Variants in SHTN1 observed in about 807,000 individuals in gnomAD.
The protein encoded by SHTN1 is shootin-1.
SHTN1 carries 42 observed loss-of-function variants against 83.1 expected under a neutral mutation model. That is an observed-to-expected ratio of 0.51 (90% confidence interval 0.39 to 0.65). SHTN1 has a LOEUF of 0.65. SHTN1 is among the 30% of genes least tolerant of loss of function. The pLI is 0.00. For missense variants in SHTN1, 622 were observed against 737.8 expected, an observed-to-expected ratio of 0.84 and a Z score of 1.82; for synonymous variants, 224 against 247.7, an observed-to-expected ratio of 0.90 and a Z score of 0.90.
intron 1 of SHTN1, among the ~76,000 whole-genome samples, chr10:116,999,362 A>G (rs1851742989): frequency 6.6e-6 from 1 of 152,228 alleles, no homozygotes; most frequent in African/African-American, 2.4e-5. Context: ...TAACTTTGGG[A>G]AATGGGAATG....
intron 11 of SHTN1, among the ~76,000 whole-genome samples, chr10:116,924,088 G>A (rs1336487778): frequency 1.3e-5 from 2 of 152,082 alleles, no homozygotes; most frequent in Non-Finnish European, 2.9e-5. Context: ...ATGGCCAAAT[G>A]GAATTAAATT....
At chr10:116,972,076 C>T (rs753934653) in intron 2 of SHTN1, among the ~76,000 whole-genome samples, 4 of 152,178 alleles carry the variant, frequency 2.6e-5, no homozygotes, top group African/African-American at 4.8e-5. Context: ...GTCAGGTCCA[C>T]GCTCTCTGCT....
chr10:117,041,055 G>A (rs987654558), intron 2 of SHTN1, among the ~76,000 whole-genome samples: 1 of 151,946 alleles, frequency 6.6e-6, no homozygotes, highest in Non-Finnish European at 1.5e-5. Flanking sequence ...CTAGTAACTC[G>A]TCATTTAACA....
intron 1 of SHTN1, among the ~76,000 whole-genome samples, chr10:116,981,918 G>A (rs1851034844): frequency 6.6e-6 from 1 of 152,086 alleles, no homozygotes; most frequent in African/African-American, 2.4e-5. Flanking sequence ...GATTAGCTGG[G>A]CGTGGTAGCG....
chr10:117,093,480 A>C (rs1853462731), intron 1 of SHTN1, among the ~76,000 whole-genome samples: 2 of 152,176 alleles, frequency 1.3e-5, no homozygotes, highest in Admixed American at 6.5e-5. Context: ...ATGCCACTGC[A>C]CTCCAGCTGG....
At chr10:116,992,172 C>CA (rs1307237715) in intron 1 of SHTN1, among the ~76,000 whole-genome samples, 5 of 151,850 alleles carry the variant, frequency 3.3e-5, no homozygotes, top group East Asian at 3.9e-4. Flanking sequence ...CGAAACAAAA[C>CA]AAAAAAACAA....
chr10:117,065,483 C>T (rs993069738), intron 1 of SHTN1, among the ~76,000 whole-genome samples: 4 of 150,656 alleles, frequency 2.7e-5, no homozygotes, highest in Admixed American at 6.6e-5. Flanking sequence ...TTTGGGAGGC[C>T]GAGGCAAGTG....
At chr10:116,924,422 C>T (rs1021899558) in intron 11 of SHTN1, among the ~76,000 whole-genome samples, 7 of 151,240 alleles carry the variant, frequency 4.6e-5, no homozygotes, top group African/African-American at 1.2e-4. Context: ...TATTTACACA[C>T]GGGAAGAAGA....
intron 14 of SHTN1, among the ~76,000 whole-genome samples, chr10:116,909,751 G>A (rs1312851669): frequency 6.6e-6 from 1 of 152,096 alleles, no homozygotes; most frequent in Non-Finnish European, 1.5e-5. Flanking sequence ...TCTACCTGGG[G>A]GCTAACTTAG....
At chr10:117,031,303 A>C (rs967211784) in intron 2 of SHTN1, among the ~76,000 whole-genome samples, 5 of 152,196 alleles carry the variant, frequency 3.3e-5, no homozygotes, top group South Asian at 2.1e-4. Flanking sequence ...CAGACAAACA[A>C]AAGCTGAGGG....
intron 1 of SHTN1, among the ~76,000 whole-genome samples, chr10:116,983,663 GATAGAT>G (rs1246063058): frequency 2.3e-5 from 2 of 85,620 alleles, no homozygotes; most frequent in Non-Finnish European, 5.0e-5. Flanking sequence ...TAGATAGATA[GATAGAT>G]AGATAGATAG....
chr10:116,959,663 TG>T (rs1251873378), intron 4 of SHTN1, among the ~76,000 whole-genome samples: 1 of 152,216 alleles, frequency 6.6e-6, no homozygotes, highest in African/African-American at 2.4e-5. Context: ...AGTGGAACAC[TG>T]GAGGTCACCT....
intron 1 of SHTN1, among the ~76,000 whole-genome samples, chr10:117,090,388 C>T (rs557135853): frequency 6.6e-6 from 1 of 152,166 alleles, no homozygotes; most frequent in South Asian, 2.1e-4. Context: ...AGAATTTGGT[C>T]GTCAGGGGCC....
intron 9 of SHTN1, among the ~76,000 whole-genome samples, chr10:116,931,450 C>T (rs1489802730): frequency 2.6e-5 from 4 of 152,052 alleles, no homozygotes; most frequent in African/African-American, 9.7e-5. Flanking sequence ...GGTTTCACCA[C>T]ATTGGCCAGG....
intron 1 of SHTN1, among the ~76,000 whole-genome samples, chr10:116,992,843 A>G (rs1297084871): frequency 6.6e-6 from 1 of 152,216 alleles, no homozygotes; most frequent in East Asian, 1.9e-4. Flanking sequence ...TCAGATTACA[A>G]TGCATTTTTG....
intron 1 of SHTN1, among the ~76,000 whole-genome samples, chr10:117,002,509 A>T (rs1328549968): frequency 1.3e-5 from 2 of 152,238 alleles, no homozygotes; most frequent in African/African-American, 4.8e-5. Context: ...TAACATTGTG[A>T]GTAAAAAGGT....
At chr10:117,065,443 T>C (rs2133598294) in intron 1 of SHTN1, among the ~76,000 whole-genome samples, 1 of 151,868 alleles carries the variant, frequency 6.6e-6, no homozygotes, top group Non-Finnish European at 1.5e-5. Flanking sequence ...TCCCAGCATT[T>C]TGAGAGGCCG....
At chr10:116,933,966 CTTTT>C in intron 9 of SHTN1, among the ~76,000 whole-genome samples, 1 of 152,062 alleles carries the variant, frequency 6.6e-6, no homozygotes, top group Middle Eastern at 3.4e-3. Flanking sequence ...TAAATGTCTT[CTTTT>C]GAGAAGTGTC....
At chr10:116,922,444 A>G (rs994486178) in intron 11 of SHTN1, among the ~76,000 whole-genome samples, 2 of 152,048 alleles carry the variant, frequency 1.3e-5, no homozygotes, top group African/African-American at 2.4e-5. Context: ...CTTATGAGCC[A>G]GTGATTCCAC....
Sources: gnomAD v4.1 joint callset for allele counts (sites outside exome capture counted in the v4.1 genomes callset) on GRCh38, gnomAD v4.1.1 for gene constraint, MANE v1.5 for transcripts, NCBI Gene and HGNC (gene_info 2026-07-23, HGNC 2026-07-21) for gene names.